The following NCOR1 variants were observed in gnomAD, a reference collection of about 807,000 sequenced individuals.
The protein encoded by NCOR1 is protein phosphatase 1, regulatory subunit 109.
Under a neutral mutation model 288.1 loss-of-function variants are expected in NCOR1, and 63 were observed. The observed-to-expected ratio is 0.22, with a 90% confidence interval of 0.18 to 0.27. The LOEUF is 0.27. Ranked by LOEUF, NCOR1 falls within the 10% of genes least tolerant of loss-of-function variation. NCOR1 has a pLI of 1.00. For missense variants in NCOR1, 2,397 were observed against 3,019.2 expected, an observed-to-expected ratio of 0.79 and a Z score of 4.83; for synonymous variants, 1,007 against 1,065.9, an observed-to-expected ratio of 0.94 and a Z score of 1.08.
At chr17:16,179,629 TAACTC>T (rs1172357332) in intron 3 of NCOR1, among the ~76,000 whole-genome samples, 1 of 152,216 alleles carries the variant, frequency 6.6e-6, no homozygotes, top group Non-Finnish European at 1.5e-5. Flanking sequence ...GAGAGAAACT[TAACTC>T]AAAGGCATTT....
At position 16,170,577 on chromosome 17, in the gene NCOR1, G is replaced by A. The variant is rs549124702; in HGVS notation, c.435+1226C>T. 1.5e-4 allele frequency among the ~76,000 whole-genome samples: 23 copies of A among 152,240 alleles called. No individual in the cohort carries two copies. In the South Asian group the frequency reaches 2.7e-3, roughly 18 times the overall value. On this transcript the variant is annotated intron_variant, in intron 4 of 45. Transcript: ENST00000268712. ...AGGCCCGGCACAGTGGCTCATGCCT[G>A]TAATCCCAGCACTTTGGGAGGCCGA...
At position 16,127,573 on chromosome 17, in the gene NCOR1, A is replaced by ACATACACATGTGTATATATGTATG. The variant is rs1568205757; in HGVS notation, c.1510-1368_1510-1367insCATACATATATACACATGTGTATG. 3.4e-3 allele frequency among the ~76,000 whole-genome samples: 488 copies of ACATACACATGTGTATATATGTATG among 144,768 alleles called. 34 individuals are homozygous for ACATACACATGTGTATATATGTATG. The highest frequency in any genetic ancestry group is 0.012 in the African/African-American group (472 of 38,500). The allele number at this position is 144,768 out of a possible 152,430, so 95.0% of individuals were successfully genotyped here. On this transcript the variant is annotated intron_variant, in intron 14 of 45. Coordinates refer to ENST00000268712, the MANE Select transcript of NCOR1 (RefSeq NM_006311.4). The stretch of plus-strand genomic sequence containing the variant: ...TACACATGTGTATATATGTATGTAT[A>ACATACACATGTGTATATATGTATG]TATACATATGTGTATATATGTATGT...
At position 16,101,486 on chromosome 17, in the gene NCOR1, T is replaced by A. The variant is rs755812168; in HGVS notation, c.2454A>T (p.Lys818Asn). 6.2e-7 allele frequency: 1 copy of A among 1,614,220 alleles called. No individual in the cohort carries two copies. The highest frequency in any genetic ancestry group is 2.2e-5 in the East Asian group (1 of 44,892). ...GSVCDPPPAT[K>N]ADSVDVEVRV... ...TCACTTCAACGTCCACAGAGTCAGC[T>A]TTGGTAGCGGGTGGGGGATCACAAA... Residue 818 changes from lysine to asparagine, a missense_variant, in exon 20 of 46, where the codon AAA becomes AAT. By Grantham distance (94) the Lys-to-Asn change is moderately conservative. Transcript: ENST00000268712.
At chr17:16,114,174 T>C (rs1433081332) in intron 18 of NCOR1, among the ~76,000 whole-genome samples, 1 of 86,178 alleles carries the variant, frequency 1.2e-5, no homozygotes, top group African/African-American at 3.9e-5. Context: ...AAAAAACTTG[T>C]GCAGGGGAAC....
At chr17:16,210,625 T>A (rs577291895) in intron 1 of NCOR1, among the ~76,000 whole-genome samples, 1 of 152,308 alleles carries the variant, frequency 6.6e-6, no homozygotes, top group African/African-American at 2.4e-5. Context: ...GTATCAATTT[T>A]TTCAAACTAT....
At chr17:16,060,351 T>A (rs1412945839) in intron 37 of NCOR1, among the ~76,000 whole-genome samples, 1 of 152,236 alleles carries the variant, frequency 6.6e-6, no homozygotes. Flanking sequence ...ATCCAATGAT[T>A]AAGGAACCCA....
chr17:16,173,092 G>A (rs991366162), intron 3 of NCOR1, among the ~76,000 whole-genome samples: 2 of 152,020 alleles, frequency 1.3e-5, no homozygotes, highest in Non-Finnish European at 2.9e-5. Context: ...CACCATGCCA[G>A]GCTAATTTTT....
At chr17:16,058,370 AAC>A in intron 38 of NCOR1, 99 bp downstream of exon 38, 1 of 1,444,318 alleles carries the variant, frequency 6.9e-7, no homozygotes, top group South Asian at 1.5e-5. Flanking sequence ...CCCTAAAACA[AAC>A]AAAACAAGTT....
intron 10 of NCOR1, among the ~76,000 whole-genome samples, chr17:16,144,912 C>T (rs1478532563): frequency 1.3e-5 from 2 of 150,682 alleles, no homozygotes; most frequent in South Asian, 2.1e-4. Context: ...GGTCTCCCCT[C>T]TCCCTCTCCC....
chr17:16,039,482 C>A lies in NCOR1; in HGVS notation c.6906G>T (p.Val2302=). 1 of 1,614,072 alleles carries A rather than the reference C, an allele frequency of 6.2e-7. No individual in the cohort carries two copies. Among genetic ancestry groups the A allele is most frequent in the South Asian group, 1.1e-5 (1 of 91,052 alleles). ...VVPGTANTSV[V]TSGETRREEG... ...CCTCTCTTCGTGTCTCACCACTGGTCACAACTGAGGTGTTGGCAGTACCAG... is the reference window on the plus strand; with the variant it reads ...CCTCTCTTCGTGTCTCACCACTGGTAACAACTGAGGTGTTGGCAGTACCAG... The change falls in exon 44 of 46, where the codon GTG becomes GTT. Residue 2302 remains valine (V), a synonymous_variant. Transcript: ENST00000268712.
chr17:16,161,016 A>G (rs2080738188), intron 5 of NCOR1, among the ~76,000 whole-genome samples: 2 of 152,148 alleles, frequency 1.3e-5, no homozygotes, highest in South Asian at 4.1e-4. Context: ...GTACTCTTGC[A>G]GTCTGTTATC....
intron 36 of NCOR1, 47 bp downstream of exon 36, chr17:16,062,058 G>A: frequency 6.2e-7 from 1 of 1,600,020 alleles, no homozygotes; most frequent in Non-Finnish European, 8.5e-7. Flanking sequence ...ATTTTAAAAT[G>A]TATATGCAAG....
intron 19 of NCOR1, among the ~76,000 whole-genome samples, chr17:16,104,671 T>A (rs1343868116): frequency 6.6e-6 from 1 of 152,172 alleles, no homozygotes; most frequent in Non-Finnish European, 1.5e-5. Context: ...ATTGGGAGGC[T>A]GAGGCAAGAG....
At position 16,040,354 on chromosome 17, in the gene NCOR1, T is replaced by C. The variant is rs551391172; in HGVS notation, c.6733+87A>G. The C allele has an allele frequency of 8.7e-5, 93 of 1,069,160 alleles. 1 individual carries two copies. In the African/African-American group the frequency reaches 1.2e-3, roughly 14 times the overall value. The allele number at this position is 1,069,160 out of a possible 1,614,324, so 66.2% of individuals were successfully genotyped here. On this transcript the variant is annotated intron_variant, in intron 43 of 45. Transcript: ENST00000268712. Reference sequence around the variant, plus strand: ...CATATTAGAGCAGTCACTCCCCTGGTATACAGTTGGTACTCAGTACATATT... The same window carrying C: ...CATATTAGAGCAGTCACTCCCCTGGCATACAGTTGGTACTCAGTACATATT...
chr17:16,035,072 C>T, intron 44 of NCOR1, 128 bp from the exon 45 acceptor site: 1 of 855,064 alleles, frequency 1.2e-6, no homozygotes, highest in Non-Finnish European at 1.8e-6. Context: ...GATCCTGGTA[C>T]TCAATGAAAT....
chr17:16,066,018 T>C (rs1360845213), intron 32 of NCOR1: 2 of 368,432 alleles, frequency 5.4e-6, no homozygotes, highest in Non-Finnish European at 1.0e-5. Context: ...AATAAAATTG[T>C]CTTTATAGTA....
chr17:16,094,894 T>G lies in NCOR1; in HGVS notation c.2821-2836A>C, dbSNP rs372767747. Among the ~76,000 whole-genome samples the G allele has an allele frequency of 8.4e-3, 1,285 of 152,296 alleles. 20 individuals are homozygous for G. Among genetic ancestry groups the G allele is most frequent in the East Asian group, 0.049 (255 of 5,170 alleles). Reference sequence around the variant, plus strand: ...CAATGGTGCCCAGGCTGGAGTGCAGTGGCGTGATCTCGGCTCGCTACAACC... The same window carrying G: ...CAATGGTGCCCAGGCTGGAGTGCAGGGGCGTGATCTCGGCTCGCTACAACC... On this transcript the variant is annotated intron_variant, in intron 21 of 45. Transcript: ENST00000268712.
At chr17:16,041,539 G>A (rs1335244236) in intron 42 of NCOR1, among the ~76,000 whole-genome samples, 10 of 149,294 alleles carry the variant, frequency 6.7e-5, no homozygotes, top group Admixed American at 6.7e-5. Context: ...TCAGCCTCCC[G>A]AGCAGCTGGG....
intron 14 of NCOR1, among the ~76,000 whole-genome samples, chr17:16,127,138 CATGT>C (rs1414544038): frequency 1.7e-5 from 2 of 119,700 alleles, no homozygotes; most frequent in Non-Finnish European, 3.2e-5. Context: ...TGTATATATA[CATGT>C]ATGTATATAT....
Sources: allele counts gnomAD v4.1 joint callset (sites outside exome capture counted in the v4.1 genomes callset), GRCh38; gene constraint gnomAD v4.1.1; transcripts MANE v1.5; gene names NCBI Gene and HGNC (gene_info 2026-07-23, HGNC 2026-07-21).